The following GRM7 variants were observed in gnomAD, a reference collection of about 807,000 sequenced individuals.
GRM7 encodes the protein glutamate metabotropic receptor 7.
A neutral mutation model predicts 84.5 loss-of-function variants in GRM7; 35 were observed. The observed-to-expected ratio is 0.41, with a 90% confidence interval of 0.32 to 0.55. The LOEUF (loss-of-function observed/expected upper bound fraction) is 0.55, where lower values mean the gene tolerates loss of function less well. GRM7 is among the 20% of genes least tolerant of loss of function. The pLI is 0.19. For missense variants in GRM7, 1,003 were observed against 1,194.6 expected (o/e 0.84, Z 2.36); for synonymous variants, 487 against 455.1 (o/e 1.07, Z -0.89).
At chr3:7,442,241 A>G (rs1166586508) in intron 5 of GRM7, among the ~76,000 whole-genome samples, 2 of 152,172 alleles carry the variant, frequency 1.3e-5, no homozygotes, top group East Asian at 1.9e-4. Flanking sequence ...ATTGTGAATG[A>G]CATTGCATTC....
intron 1 of GRM7, among the ~76,000 whole-genome samples, chr3:7,107,225 G>A (rs577366909): frequency 6.6e-6 from 1 of 151,968 alleles, no homozygotes; most frequent in Non-Finnish European, 1.5e-5. Context: ...AGACACGCAC[G>A]GTTTCTGTTC....
At chr3:7,291,037 T>A (rs1243192649) in intron 2 of GRM7, among the ~76,000 whole-genome samples, 1 of 151,970 alleles carries the variant, frequency 6.6e-6, no homozygotes, top group Non-Finnish European at 1.5e-5. Flanking sequence ...CACCTAACAA[T>A]CTTGTCCACA....
chr3:7,707,791 C>CTA (rs1701436056), intron 9 of GRM7, among the ~76,000 whole-genome samples: 1 of 152,184 alleles, frequency 6.6e-6, no homozygotes, highest in African/African-American at 2.4e-5. Flanking sequence ...TATGGCCTCT[C>CTA]TGGCCAAGCC....
chr3:7,604,634 T>C (rs1362706426), intron 8 of GRM7, among the ~76,000 whole-genome samples: 1 of 152,216 alleles, frequency 6.6e-6, no homozygotes, highest in African/African-American at 2.4e-5. Flanking sequence ...TGGCTTAGTA[T>C]ACCTGATTAA....
intron 7 of GRM7, among the ~76,000 whole-genome samples, chr3:7,571,335 C>T (rs977275427): frequency 4.6e-5 from 7 of 152,270 alleles, no homozygotes; most frequent in African/African-American, 1.4e-4. Flanking sequence ...CCTTATAAAA[C>T]TGAATGCCTT....
At chr3:7,548,414 A>G (rs1201546732) in intron 7 of GRM7, among the ~76,000 whole-genome samples, 1 of 152,242 alleles carries the variant, frequency 6.6e-6, no homozygotes. Flanking sequence ...TGCTTCTGGT[A>G]TAGCCTACAG....
chr3:7,452,268 C>A (rs755808572), intron 5 of GRM7, among the ~76,000 whole-genome samples: 1 of 152,070 alleles, frequency 6.6e-6, no homozygotes, highest in Non-Finnish European at 1.5e-5. Flanking sequence ...TCCATTTGAC[C>A]TTTCTAGAGT....
At chr3:6,967,045 T>C (rs1448155971) in intron 1 of GRM7, among the ~76,000 whole-genome samples, 3 of 152,182 alleles carry the variant, frequency 2.0e-5, no homozygotes, top group African/African-American at 7.2e-5. Context: ...AAGTATTTTA[T>C]TGACTTTCAA....
At chr3:7,139,096 C>G (rs1007546334) in intron 1 of GRM7, among the ~76,000 whole-genome samples, 1 of 146,810 alleles carries the variant, frequency 6.8e-6, no homozygotes, top group African/African-American at 2.5e-5. Flanking sequence ...CTATATTATA[C>G]TCTATAATAT....
intron 4 of GRM7, among the ~76,000 whole-genome samples, chr3:7,354,113 T>A (rs1693281563): frequency 6.6e-6 from 1 of 152,160 alleles, no homozygotes; most frequent in Non-Finnish European, 1.5e-5. Flanking sequence ...AGAAAAGTCC[T>A]TTGTATAATA....
At chr3:7,289,036 C>T (rs1256747360) in intron 2 of GRM7, among the ~76,000 whole-genome samples, 3 of 152,164 alleles carry the variant, frequency 2.0e-5, no homozygotes, top group East Asian at 3.8e-4. Flanking sequence ...AGAACCGTCA[C>T]TTGTAAATAC....
intron 7 of GRM7, among the ~76,000 whole-genome samples, chr3:7,550,342 CCTCCCTT>C (rs1201874205): frequency 4.2e-5 from 6 of 143,276 alleles, no homozygotes; most frequent in African/African-American, 7.8e-5. Context: ...CACCTTCCCT[CCTCCCTT>C]CTCCCTCCCT....
At chr3:7,177,132 A>T (rs1421542997) in intron 2 of GRM7, among the ~76,000 whole-genome samples, 1 of 147,188 alleles carries the variant, frequency 6.8e-6, no homozygotes, top group Non-Finnish European at 1.5e-5. Context: ...CTTTTTTTTT[A>T]AACCAAAGTA....
chr3:7,470,472 A>G (rs1698654826), intron 7 of GRM7, among the ~76,000 whole-genome samples: 1 of 152,322 alleles, frequency 6.6e-6, no homozygotes, highest in Non-Finnish European at 1.5e-5. Flanking sequence ...TTTTGTCAGC[A>G]TCTCTCCTAG....
chr3:7,326,078 T>A (rs1270122025), intron 4 of GRM7, among the ~76,000 whole-genome samples: 3 of 117,308 alleles, frequency 2.6e-5, no homozygotes, highest in Non-Finnish European at 4.9e-5. Context: ...GAACACTACT[T>A]GATTCTTGGC....
At chr3:7,194,116 T>C (rs898176516) in intron 2 of GRM7, among the ~76,000 whole-genome samples, 1 of 152,052 alleles carries the variant, frequency 6.6e-6, no homozygotes, top group Non-Finnish European at 1.5e-5. Flanking sequence ...AGAAAAAAAA[T>C]ATTGTATAAA....
intron 1 of GRM7, among the ~76,000 whole-genome samples, chr3:7,020,798 T>C (rs1459980253): frequency 2.6e-5 from 4 of 152,180 alleles, no homozygotes; most frequent in African/African-American, 9.7e-5. Flanking sequence ...CACAATCCTC[T>C]ACTTACTGGG....
rs77530521 is a variant in GRM7 at position 7,188,784 on chromosome 3, C to T, written c.736+42116C>T. On this transcript the variant is annotated intron_variant, in intron 2 of 9. Transcript: ENST00000357716. This position sits in a 1 kb window ranked among gnomAD's most constrained non-coding sequence, Gnocchi z 4.2. ...GCAATTTTGAGATTCAGCCTCCTTT[C>T]CTCCTGTGGCCCTGATATTCTGTAG... Among the ~76,000 whole-genome samples, 4,483 of 152,230 alleles carry T rather than the reference C, an allele frequency of 0.029. 188 individuals are homozygous for T. The highest frequency in any genetic ancestry group is 0.093 in the African/African-American group (3,852 of 41,500).
intron 1 of GRM7, chr3:6,892,864 A>T (rs927871390): frequency 2.4e-4 from 36 of 152,130 alleles, no homozygotes; most frequent in African/African-American, 8.7e-4. Flanking sequence ...GTTGTGTGGG[A>T]CAAAACGATG....
Sources: gnomAD v4.1 joint callset for allele counts (sites outside exome capture counted in the v4.1 genomes callset) on GRCh38, gnomAD v4.1.1 for gene constraint, Gnocchi (gnomAD v3.1) non-coding constraint, MANE v1.5 for transcripts, NCBI Gene and HGNC (gene_info 2026-07-23, HGNC 2026-07-21) for gene names.